Variants in TCF20 observed in about 807,000 individuals in gnomAD.
TCF20 encodes transcription factor 20.
Under a neutral mutation model 148.6 loss-of-function variants are expected in TCF20, and 3 were observed. The ratio of observed to expected loss-of-function variants is 0.02; its 90% confidence interval spans 0.01 to 0.05. The LOEUF (loss-of-function observed/expected upper bound fraction) is 0.05, where lower values mean the gene tolerates loss of function less well. Among genes scored for constraint, TCF20 ranks in the 10% least tolerant of loss-of-function variants. TCF20 has a pLI of 1.00. For synonymous variants in TCF20, 1,049 were observed against 909.5 expected (o/e 1.15, Z -2.76); for missense variants, 2,350 against 2,429.3 (o/e 0.97, Z 0.69).
chr22:42,206,823 T>C (rs1938419503), intron 2 of TCF20, among the ~76,000 whole-genome samples: 1 of 152,240 alleles, frequency 6.6e-6, no homozygotes, highest in African/African-American at 2.4e-5. Flanking sequence ...CTATGGGCAC[T>C]TCTTTTTGCC....
At chr22:42,300,173 C>G (rs1054425294) in intron 1 of TCF20, among the ~76,000 whole-genome samples, 1 of 151,984 alleles carries the variant, frequency 6.6e-6, no homozygotes, top group African/African-American at 2.4e-5. Context: ...TATCTCAAGG[C>G]AGGGTAAGGG....
At chr22:42,270,029 G>C (rs893387446) in intron 1 of TCF20, 1 of 152,778 alleles carries the variant, frequency 6.5e-6, no homozygotes, top group Admixed American at 6.5e-5. Context: ...CCAGCAGGTA[G>C]ACCTTCCCTC....
chr22:42,315,777 A>G (rs1431715452), intron 1 of TCF20, among the ~76,000 whole-genome samples: 2 of 152,150 alleles, frequency 1.3e-5, no homozygotes, highest in Non-Finnish European at 2.9e-5. Flanking sequence ...CAGGTGGAGG[A>G]GACAAGAAAG....
chr22:42,173,712 G>GGCCTCTGGGT (rs574923633), intron 3 of TCF20, among the ~76,000 whole-genome samples: 158 of 152,300 alleles, frequency 1.0e-3, no homozygotes, highest in African/African-American at 3.7e-3. Context: ...GAGCAGTGCA[G>GGCCTCTGGGT]GCCTCTGGGT....
intron 1 of TCF20, among the ~76,000 whole-genome samples, chr22:42,305,974 G>A (rs1927424489): frequency 6.6e-6 from 1 of 152,324 alleles, no homozygotes; most frequent in Non-Finnish European, 1.5e-5. Context: ...AGCAAAGGCT[G>A]GCATTGGCTG....
At chr22:42,181,675 A>G (rs1936782437) in intron 2 of TCF20, among the ~76,000 whole-genome samples, 1 of 149,154 alleles carries the variant, frequency 6.7e-6, no homozygotes, top group Admixed American at 6.7e-5. Context: ...TGGCACAATC[A>G]TGGCTCACTG....
At chr22:42,328,989 C>G (rs576335748) in intron 1 of TCF20, among the ~76,000 whole-genome samples, 1 of 152,230 alleles carries the variant, frequency 6.6e-6, no homozygotes, top group Non-Finnish European at 1.5e-5. Context: ...CCGGCTGGAG[C>G]CTGCTCTGTC....
chr22:42,309,388 C>T (rs1041878), intron 1 of TCF20, among the ~76,000 whole-genome samples: 84,483 of 151,736 alleles, frequency 0.56, 24,162 homozygotes, highest in African/African-American at 0.68. Flanking sequence ...CCAGGATCCT[C>T]AACCTGTCAC....
At chr22:42,225,875 C>T (rs887720273) in intron 1 of TCF20, among the ~76,000 whole-genome samples, 1 of 152,120 alleles carries the variant, frequency 6.6e-6, no homozygotes, top group African/African-American at 2.4e-5. Context: ...CACACAGGGT[C>T]ACTAGCTCAA....
rs574463825 is a variant in TCF20 at position 42,204,892 on chromosome 22, A to G, written c.5655+4759T>C. Among the ~76,000 whole-genome samples, 502 of 151,922 alleles carry G rather than the reference A, an allele frequency of 3.3e-3. 4 individuals carry two copies. Among genetic ancestry groups the G allele is most frequent in the African/African-American group, 0.012 (489 of 41,328 alleles). On this transcript the variant is annotated intron_variant, in intron 2 of 5. Transcript: ENST00000677622. Reference sequence around the variant, plus strand: ...AAAAATTAACCTAAAACCAGTTAACATATACTGTCAGGTAAAAAAAAAAGA... The same window carrying G: ...AAAAATTAACCTAAAACCAGTTAACGTATACTGTCAGGTAAAAAAAAAAGA...
chr22:42,206,999 T>C (rs900016768), intron 2 of TCF20, among the ~76,000 whole-genome samples: 1 of 152,158 alleles, frequency 6.6e-6, no homozygotes, highest in Non-Finnish European at 1.5e-5. Flanking sequence ...TTCTGTGCAC[T>C]GCAAGGAAGC....
chr22:42,315,617 A>C (rs1310708545), intron 1 of TCF20, among the ~76,000 whole-genome samples: 2 of 152,198 alleles, frequency 1.3e-5, no homozygotes, highest in Non-Finnish European at 1.5e-5. Flanking sequence ...TGGTGGCTTC[A>C]GGAAGGTGTG....
intron 4 of TCF20, 30 bp downstream of exon 4, chr22:42,169,817 T>G (rs1351107052): frequency 6.2e-7 from 1 of 1,612,896 alleles, no homozygotes; most frequent in East Asian, 2.2e-5. Context: ...ATCCCATCCC[T>G]GCTGGTAGCT....
In TCF20 at chr22:42,304,012, G is replaced by A. The variant is rs1242785837; in HGVS notation, c.-37+39467C>T. Among the ~76,000 whole-genome samples the A allele has an allele frequency of 2.0e-5, 3 of 152,056 alleles. No homozygotes were observed. The East Asian group carries it at 5.8e-4, about 29-fold the overall frequency. On this transcript the variant is annotated intron_variant, in intron 1 of 1. Transcript: ENST00000515426. ...CCATACTCCAGTCTAGCTGTGCCCG[G>A]GAAGGTCTGCCCCACCCCCCTGCCG...
In TCF20 at chr22:42,318,085, GCCACAGGCCCCAACGGGGCA is replaced by G. The variant is rs1024238411; in HGVS notation, c.-37+25374_-37+25393del. On this transcript the variant is annotated intron_variant, in intron 1 of 1. Coordinates refer to the TCF20 transcript ENST00000515426. ...TTACCTGCCAGAGGCCCTGGCCATG[GCCACAGGCCCCAACGGGGCA>G]CCACAGGCCCCGCCCTGCTCGCCAG... 3.0e-4 allele frequency among the ~76,000 whole-genome samples: 45 copies of G among 152,350 alleles called. 2 individuals are homozygous for G. The highest frequency in any genetic ancestry group is 9.6e-4 in the East Asian group (5 of 5,186).
chr22:42,339,085 G>A (rs1386161917), intron 1 of TCF20, among the ~76,000 whole-genome samples: 1 of 152,024 alleles, frequency 6.6e-6, no homozygotes, highest in East Asian at 1.9e-4. Context: ...CAGATGCCAC[G>A]AACCCCCTTA....
upstream of TCF20, among the ~76,000 whole-genome samples, chr22:42,270,676 G>A (rs1368217244): frequency 3.5e-5 from 5 of 142,892 alleles, no homozygotes; most frequent in Admixed American, 1.4e-4. Flanking sequence ...GACGGCGCGC[G>A]GCCAATGGGG....
intron 1 of TCF20, among the ~76,000 whole-genome samples, chr22:42,217,347 G>C (rs1054988776): frequency 6.6e-6 from 1 of 152,196 alleles, no homozygotes; most frequent in Non-Finnish European, 1.5e-5. Context: ...CTTTGGGCAA[G>C]TGTCACTCAT....
intron 3 of TCF20, among the ~76,000 whole-genome samples, chr22:42,171,351 A>AGCC (rs61315034): frequency 1.1e-3 from 169 of 152,366 alleles, no homozygotes; most frequent in African/African-American, 4.0e-3. Context: ...CCAGACTAGC[A>AGCC]GCCTGTGCAC....
Sources: gnomAD v4.1 joint callset for allele counts (sites outside exome capture counted in the v4.1 genomes callset) on GRCh38, gnomAD v4.1.1 for gene constraint, MANE v1.5 for transcripts, NCBI Gene and HGNC (gene_info 2026-07-23, HGNC 2026-07-21) for gene names.